Variants in EIF3A observed in about 807,000 individuals in gnomAD.
EIF3A encodes EIF3, p180 subunit.
In EIF3A, 21 loss-of-function variants were observed where a neutral mutation model predicts 186.6. The ratio of observed to expected loss-of-function variants is 0.11; its 90% confidence interval spans 0.08 to 0.16. The LOEUF (loss-of-function observed/expected upper bound fraction) is 0.16. Ranked by LOEUF, EIF3A falls within the 10% of genes least tolerant of loss-of-function variation. EIF3A has a pLI of 1.00. For synonymous variants in EIF3A, 563 were observed against 584.3 expected (o/e 0.96, Z 0.52); for missense variants, 1,306 against 1,796.3 (o/e 0.73, Z 4.93).
In EIF3A at chr10:119,063,355, CAAAGGA is replaced by C. The variant is rs1843920931; in HGVS notation, c.1123-2033_1123-2028del. ...AAAGTGAATCTGCATTACTATGTCACAAAGGAAAAATGCCACTATCTAGAAAAGTTA... is the reference window on the plus strand; with the variant it reads ...AAAGTGAATCTGCATTACTATGTCACAAAATGCCACTATCTAGAAAAGTTA... On this transcript the variant is annotated intron_variant, in intron 7 of 21. Coordinates refer to ENST00000369144, the MANE Select transcript of EIF3A (RefSeq NM_003750.4). 3.3e-5 allele frequency among the ~76,000 whole-genome samples: 5 copies of C among 152,134 alleles called. No individual in the cohort carries two copies. In the South Asian group the frequency reaches 1.0e-3, roughly 32 times the overall value.
chr10:119,042,244 G>A lies in EIF3A; in HGVS notation c.3276C>T (p.Gly1092=), dbSNP rs878912621. Residue 1092 remains glycine (G), a synonymous_variant, in exon 19 of 22, where the codon GGC becomes GGT. Transcript: ENST00000369144. The surrounding 1 kb of genome is among the most constrained non-coding windows in gnomAD (Gnocchi z 7.8). ...GMDDDRGPRR[G]MDDDRGPRRG... ...GCCTGGGACCCCGGTCATCATCCAT[G>A]CCTCGCCTGGGACCCCGGTCATCAT... 6.2e-7 allele frequency: 1 copy of A among 1,608,134 alleles called. No homozygotes were observed. The highest frequency in any genetic ancestry group is 8.5e-7 in the Non-Finnish European group (1 of 1,178,328).
intron 7 of EIF3A, among the ~76,000 whole-genome samples, chr10:119,064,902 G>A (rs1843946894): frequency 6.6e-6 from 1 of 152,024 alleles, no homozygotes; most frequent in African/African-American, 2.4e-5. Context: ...GAGAGACCGG[G>A]TTTCGCCATG....
intron 14 of EIF3A, 34 bp from the exon 15 acceptor site, chr10:119,051,355 C>CT (rs199678201): frequency 0.013 from 16,996 of 1,292,084 alleles, 30 homozygotes; most frequent in African/African-American, 0.038. Context: ...TTTCAATGCA[C>CT]TTTTTTTTTT....
chr10:119,051,089 C>T (rs1848349771), intron 15 of EIF3A, 110 bp downstream of exon 15: 4 of 905,138 alleles, frequency 4.4e-6, no homozygotes, highest in Non-Finnish European at 6.5e-6. Flanking sequence ...TTTGAATGAC[C>T]GTTACACATA....
At chr10:119,053,174 T>C (rs145579758) in intron 14 of EIF3A, among the ~76,000 whole-genome samples, 7 of 152,290 alleles carry the variant, frequency 4.6e-5, no homozygotes, top group African/African-American at 1.7e-4. Context: ...TTAACAGATA[T>C]GCTGTCATTC....
At chr10:119,036,354 G>C in intron 21 of EIF3A, 86 bp from the exon 22 acceptor site, 1 of 786,972 alleles carries the variant, frequency 1.3e-6, no homozygotes, top group South Asian at 1.8e-5. Flanking sequence ...ACTAAAGATT[G>C]TTAAATACAG....
intron 17 of EIF3A, among the ~76,000 whole-genome samples, chr10:119,048,179 C>T (rs893221259): frequency 7.3e-6 from 1 of 137,316 alleles, no homozygotes; most frequent in African/African-American, 3.2e-5. Flanking sequence ...GGTCTGAAAT[C>T]CAACAGCAGG....
chr10:119,038,816 T>A (rs1848170270), intron 19 of EIF3A, among the ~76,000 whole-genome samples: 1 of 151,978 alleles, frequency 6.6e-6, no homozygotes, highest in Non-Finnish European at 1.5e-5. Flanking sequence ...GCTACTTGAC[T>A]TAGGAGGCTG....
At chr10:119,050,778 A>C (rs1157354376) in intron 15 of EIF3A, 104 bp from the exon 16 acceptor site, 1 of 1,288,654 alleles carries the variant, frequency 7.8e-7, no homozygotes, top group Non-Finnish European at 1.1e-6. Flanking sequence ...GTGTATCAGA[A>C]TCATCGAAAG....
At position 119,051,224 on chromosome 10, in the gene EIF3A, T is replaced by C. The variant is rs758219482; in HGVS notation, c.2294A>G (p.Lys765Arg). The change falls in exon 15 of 22, where the codon AAA becomes AGA. Residue 765 changes from lysine (K) to arginine (R), a missense_variant. By Grantham distance (26) the Lys-to-Arg change is conservative. This residue lies in a region of EIF3A where 410 missense variants were observed against 473.5 expected (regional missense o/e 0.87). Transcript: ENST00000369144. ...EDRDLFVMRL[K>R]AARQSVYEEK... is the part of the protein sequence containing the mutation. ...CTCATAAACAGACTGCCGTGCAGCT[T>C]TGAGTCGCATTACGAATAAATCTCT... The C allele has an allele frequency of 5.0e-6, 8 of 1,610,912 alleles. No individual in the cohort carries two copies. The highest frequency in any genetic ancestry group is 1.1e-5 in the South Asian group (1 of 90,196).
chr10:119,064,525 CCT>C (rs569531121), intron 7 of EIF3A, among the ~76,000 whole-genome samples: 35 of 152,248 alleles, frequency 2.3e-4, no homozygotes, highest in African/African-American at 6.3e-4. Context: ...GTACCTTCCC[CCT>C]CTGTCTTCCT....
chr10:119,073,362 C>G lies in EIF3A; in HGVS notation c.377+79G>C, dbSNP rs1448633143. Reference sequence around the variant, plus strand: ...ATTTTTTTCTGATAAACATCTACTTCAAAAGGAAATGAAGACCCATGTAAA... The same window carrying G: ...ATTTTTTTCTGATAAACATCTACTTGAAAAGGAAATGAAGACCCATGTAAA... On this transcript the variant is annotated intron_variant, in intron 3 of 21. Transcript: ENST00000369144. 4.5e-6 allele frequency: 5 copies of G among 1,113,786 alleles called. No homozygotes were observed. In the African/African-American group the frequency reaches 7.9e-5, roughly 18 times the overall value. 69.0% of individuals were successfully genotyped at this position (1,113,786 alleles called of 1,614,324 possible). A position where few individuals can be genotyped will look rare whatever the true frequency, so the allele number is the denominator to read the frequency against.
chr10:119,049,036 C>CA, intron 17 of EIF3A, among the ~76,000 whole-genome samples: 1 of 152,294 alleles, frequency 6.6e-6, no homozygotes, highest in African/African-American at 2.4e-5. Flanking sequence ...GTGCTATGGA[C>CA]AAAACTTTCA....
intron 1 of EIF3A, among the ~76,000 whole-genome samples, chr10:119,074,918 CAAAA>C (rs1170284096): frequency 8.3e-5 from 2 of 24,154 alleles, no homozygotes; most frequent in African/African-American, 1.3e-4. Flanking sequence ...AACTCCAACT[CAAAA>C]AAAAAAAAAA....
At chr10:119,039,844 C>T (rs1325827357) in intron 19 of EIF3A, among the ~76,000 whole-genome samples, 2 of 152,082 alleles carry the variant, frequency 1.3e-5, no homozygotes, top group African/African-American at 4.8e-5. Context: ...AGTCTTTAAA[C>T]ACAAACACAT....
intron 14 of EIF3A, among the ~76,000 whole-genome samples, chr10:119,053,006 T>A (rs1472265841): frequency 2.0e-5 from 3 of 152,322 alleles, no homozygotes; most frequent in African/African-American, 7.2e-5. Context: ...CATACTGTGT[T>A]AACAGGCATG....
At position 119,034,153 on chromosome 10, in the gene EIF3A, CAG is replaced by C. The variant is rs1416067533; in HGVS notation, c.*1884_*1885del. ...GTTGGTAAATACTAATGGGAGTAGA[CAG>C]AGTTGTATGGCCTGGACAGTGGAAA... On this transcript the variant is annotated 3_prime_UTR_variant, in exon 22 of 22. Transcript: ENST00000369144. 6.0e-6 allele frequency: 1 copy of C among 167,090 alleles called. No individual in the cohort carries two copies. Among genetic ancestry groups the C allele is most frequent in the Non-Finnish European group, 1.5e-5 (1 of 68,154 alleles). The allele number at this position is 167,090 out of a possible 1,614,324, so 10.4% of individuals were successfully genotyped here. A position where few individuals can be genotyped will look rare whatever the true frequency, so the allele number is the denominator to read the frequency against.
chr10:119,049,717 C>T (rs974125364), intron 17 of EIF3A, 84 bp downstream of exon 17: 2 of 1,266,906 alleles, frequency 1.6e-6, no homozygotes, highest in Middle Eastern at 3.9e-4. Flanking sequence ...CCTGGGCAAC[C>T]TGGGCGACAG....
chr10:119,057,058 T>C lies in EIF3A; in HGVS notation c.1978-18A>G, dbSNP rs1843794475. ...TCAAGGTCCTGAAAGGTAATACAAA[T>C]GCACAATTGTTAATAAAGAGAAACA... is the stretch of plus-strand genomic sequence containing the variant. On this transcript the variant is annotated intron_variant, in intron 12 of 21. Coordinates refer to ENST00000369144, the MANE Select transcript of EIF3A (RefSeq NM_003750.4). 6.9e-7 allele frequency: 1 copy of C among 1,449,242 alleles called. No individual in the cohort carries two copies. Among genetic ancestry groups the C allele is most frequent in the African/African-American group, 1.4e-5 (1 of 70,682 alleles). 89.8% of individuals were successfully genotyped at this position (1,449,242 alleles called of 1,614,324 possible).
Sources: allele counts gnomAD v4.1 joint callset (sites outside exome capture counted in the v4.1 genomes callset), GRCh38; gene constraint gnomAD v4.1.1; regional missense constraint gnomAD v4.1.1; non-coding constraint Gnocchi (gnomAD v3.1); transcripts MANE v1.5; gene names NCBI Gene and HGNC (gene_info 2026-07-23, HGNC 2026-07-21).